Variants in EPHA6 observed in about 807,000 individuals in gnomAD.
EPHA6 encodes the protein ephrin type-A receptor 6.
A neutral mutation model predicts 112.0 loss-of-function variants in EPHA6; 50 were observed. That is an observed-to-expected ratio of 0.45 (90% CI 0.36 to 0.56). EPHA6 has a LOEUF of 0.56. Ranked by LOEUF, EPHA6 falls within the 20% of genes least tolerant of loss-of-function variation. The probability of loss-of-function intolerance (pLI) is 0.00; values close to 1 mark genes in which losing one functional copy is unlikely to be tolerated. For missense variants in EPHA6, 1,280 were observed against 1,417.4 expected (o/e 0.90, Z 1.56); for synonymous variants, 529 against 490.7 (o/e 1.08, Z -1.03).
At chr3:97,457,944 A>T (rs946673683) in intron 7 of EPHA6, among the ~76,000 whole-genome samples, 10 of 151,654 alleles carry the variant, frequency 6.6e-5, no homozygotes, top group South Asian at 2.1e-4. Flanking sequence ...AGCGGGCGCC[A>T]GTAGTCCCAG....
chr3:97,482,555 A>G (rs1346774584), intron 9 of EPHA6, among the ~76,000 whole-genome samples: 2 of 152,242 alleles, frequency 1.3e-5, no homozygotes, highest in East Asian at 3.9e-4. Flanking sequence ...CTCACGGTCC[A>G]TATGCAGCAC....
chr3:97,431,484 C>T (rs1276828301), intron 6 of EPHA6, among the ~76,000 whole-genome samples: 1 of 152,058 alleles, frequency 6.6e-6, no homozygotes, highest in Non-Finnish European at 1.5e-5. Context: ...TGTGTTTGAT[C>T]CTTCCATTTC....
intron 3 of EPHA6, among the ~76,000 whole-genome samples, chr3:97,103,685 A>G (rs1191110342): frequency 6.6e-6 from 1 of 152,106 alleles, no homozygotes; most frequent in Non-Finnish European, 1.5e-5. Context: ...TTCTGTGAAA[A>G]TGTCATTGGG....
intron 3 of EPHA6, among the ~76,000 whole-genome samples, chr3:97,097,128 T>G (rs2047263841): frequency 6.6e-6 from 1 of 151,764 alleles, no homozygotes; most frequent in African/African-American, 2.4e-5. Context: ...AGAATTTGAA[T>G]GTTCCAAACA....
chr3:97,747,396 G>A lies in EPHA6; in HGVS notation c.3129-27G>A, dbSNP rs754522946. On this transcript the variant is annotated intron_variant, in intron 16 of 17. Transcript: ENST00000389672. ...TATTTGGCTTTTAAATGCTCTCCATGTTTTGTTTTGTTTTGTTTTCTTACA... is the reference window on the plus strand; with the variant it reads ...TATTTGGCTTTTAAATGCTCTCCATATTTTGTTTTGTTTTGTTTTCTTACA... The A allele has an allele frequency of 2.7e-6, 4 of 1,480,114 alleles. No individual in the cohort carries two copies. The South Asian group carries it at 4.1e-5, about 15-fold the overall frequency. 91.7% of individuals were successfully genotyped at this position (1,480,114 alleles called of 1,614,324 possible). A position where few individuals can be genotyped will look rare whatever the true frequency, so the allele number is the denominator to read the frequency against.
intron 2 of EPHA6, among the ~76,000 whole-genome samples, chr3:96,932,123 T>C (rs976899323): frequency 1.3e-5 from 2 of 152,154 alleles, no homozygotes; most frequent in African/African-American, 4.8e-5. Context: ...TCCTTGGCTG[T>C]ATTCCAGGGT....
At chr3:97,327,253 C>T (rs994807700) in intron 5 of EPHA6, among the ~76,000 whole-genome samples, 5 of 151,970 alleles carry the variant, frequency 3.3e-5, no homozygotes, top group African/African-American at 1.2e-4. Context: ...ATATTGTTTT[C>T]ATGAGTGCAA....
intron 5 of EPHA6, among the ~76,000 whole-genome samples, chr3:97,378,119 C>G (rs2085478693): frequency 6.6e-6 from 1 of 152,078 alleles, no homozygotes; most frequent in Admixed American, 6.5e-5. Flanking sequence ...TGGGCAGGGC[C>G]CAGGGTCCCC....
intron 10 of EPHA6, among the ~76,000 whole-genome samples, chr3:97,509,968 T>G (rs1483768241): frequency 6.6e-6 from 1 of 152,258 alleles, no homozygotes; most frequent in East Asian, 1.9e-4. Context: ...TTTCTTCCAC[T>G]TGATCAATTC....
chr3:97,624,165 G>A lies in EPHA6; in HGVS notation c.2574+13311G>A, dbSNP rs545488999. Among the ~76,000 whole-genome samples, 6 of 151,744 alleles carry A rather than the reference G, an allele frequency of 4.0e-5. No individual in the cohort carries two copies. The South Asian group carries it at 6.2e-4, about 16-fold the overall frequency. On this transcript the variant is annotated intron_variant, in intron 13 of 17. Coordinates refer to ENST00000389672, the MANE Select transcript of EPHA6 (RefSeq NM_001080448.3). Reference sequence around the variant, plus strand: ...AACGGTCGAGTATGATGTTCACTGTGGGTTATATAAACATACATATAGCTT... The same window carrying A: ...AACGGTCGAGTATGATGTTCACTGTAGGTTATATAAACATACATATAGCTT...
intron 1 of EPHA6, among the ~76,000 whole-genome samples, chr3:96,829,253 A>G (rs2033862845): frequency 6.6e-6 from 1 of 152,150 alleles, no homozygotes; most frequent in Non-Finnish European, 1.5e-5. Flanking sequence ...ATGTTTGGAA[A>G]CTTAAAAGGG....
At chr3:96,937,552 A>G (rs2040664926) in intron 2 of EPHA6, among the ~76,000 whole-genome samples, 1 of 152,038 alleles carries the variant, frequency 6.6e-6, no homozygotes, top group South Asian at 2.1e-4. Flanking sequence ...CCTATTTTGT[A>G]GGTTGCCTGT....
At chr3:97,410,470 T>C (rs1464809666) in intron 6 of EPHA6, among the ~76,000 whole-genome samples, 2 of 152,092 alleles carry the variant, frequency 1.3e-5, no homozygotes, top group Non-Finnish European at 2.9e-5. Flanking sequence ...AAAGCTACTC[T>C]TACCTCCATC....
intron 5 of EPHA6, among the ~76,000 whole-genome samples, chr3:97,370,597 A>C (rs1229674096): frequency 6.6e-6 from 1 of 152,160 alleles, no homozygotes; most frequent in Non-Finnish European, 1.5e-5. Context: ...AAACTATTGA[A>C]TCTAAAGGAA....
chr3:97,240,473 C>T (rs901985021), intron 4 of EPHA6, among the ~76,000 whole-genome samples: 4 of 151,660 alleles, frequency 2.6e-5, no homozygotes, highest in African/African-American at 7.3e-5. Flanking sequence ...TCAGATATTT[C>T]GGTGAAATTT....
At chr3:96,979,734 A>T (rs2042680765) in intron 2 of EPHA6, among the ~76,000 whole-genome samples, 1 of 152,082 alleles carries the variant, frequency 6.6e-6, no homozygotes, top group South Asian at 2.1e-4. Context: ...CTTTTTAATG[A>T]TTGCCATTCT....
In EPHA6 at chr3:97,626,659, G is replaced by A. The variant is rs547411689; in HGVS notation, c.2575-11214G>A. Among the ~76,000 whole-genome samples the A allele has an allele frequency of 2.6e-5, 4 of 151,890 alleles. No homozygotes were observed. In the East Asian group the frequency reaches 7.8e-4, roughly 30 times the overall value. The stretch of plus-strand genomic sequence containing the variant: ...TTTGTATGAGGGTAAGAGAGGAAGG[G>A]AAAGAAGAATGTGGCCAGAAAGTAG... On this transcript the variant is annotated intron_variant, in intron 13 of 17. Transcript: ENST00000389672.
At chr3:97,007,692 C>T (rs1427027418) in intron 3 of EPHA6, among the ~76,000 whole-genome samples, 1 of 152,088 alleles carries the variant, frequency 6.6e-6, no homozygotes, top group East Asian at 1.9e-4. Context: ...AGTTTCTTCA[C>T]AGTGTCTTTG....
intron 5 of EPHA6, among the ~76,000 whole-genome samples, chr3:97,352,036 T>G (rs1667426511): frequency 6.6e-6 from 1 of 152,176 alleles, no homozygotes; most frequent in Admixed American, 6.5e-5. Flanking sequence ...GTCTAGAATT[T>G]TATTCTGTAC....
Sources: allele counts gnomAD v4.1 joint callset (sites outside exome capture counted in the v4.1 genomes callset), GRCh38; gene constraint gnomAD v4.1.1; transcripts MANE v1.5; gene names NCBI Gene and HGNC (gene_info 2026-07-23, HGNC 2026-07-21).